ERBIN: variants seen among roughly 807,000 people sequenced by gnomAD.
ERBIN encodes erbb2 interacting protein.
A neutral mutation model predicts 158.4 loss-of-function variants in ERBIN; 60 were observed. The observed-to-expected ratio is 0.38, with a 90% CI of 0.31 to 0.47. The LOEUF (loss-of-function observed/expected upper bound fraction) is 0.47, where lower values mean the gene tolerates loss of function less well. Among genes scored for constraint, ERBIN ranks in the 20% least tolerant of loss-of-function variants. The pLI is 0.99. For missense variants in ERBIN, 1,610 were observed against 1,648.0 expected (o/e 0.98, Z 0.40); for synonymous variants, 594 against 557.2 (o/e 1.07, Z -0.93).
intron 1 of ERBIN, among the ~76,000 whole-genome samples, chr5:65,981,228 A>G (rs865857581): frequency 1.3e-5 from 2 of 152,256 alleles, no homozygotes; most frequent in Non-Finnish European, 2.9e-5. Context: ...TAGAAAGGAC[A>G]TTAAATAAAT....
intron 15 of ERBIN, among the ~76,000 whole-genome samples, chr5:66,041,054 T>A (rs1269355162): frequency 5.3e-5 from 8 of 151,838 alleles, no homozygotes; most frequent in African/African-American, 1.9e-4. Context: ...TTGCATTTCT[T>A]TTTACATTGA....
At chr5:65,939,380 T>G (rs1470909410) in intron 1 of ERBIN, among the ~76,000 whole-genome samples, 4 of 152,128 alleles carry the variant, frequency 2.6e-5, no homozygotes, top group Non-Finnish European at 5.9e-5. Context: ...GAGGTTGCAG[T>G]GAGCCGAGGT....
intron 21 of ERBIN, among the ~76,000 whole-genome samples, chr5:66,063,626 G>A (rs554037875): frequency 1.1e-4 from 16 of 152,284 alleles, no homozygotes; most frequent in Admixed American, 2.0e-4. Context: ...CGTCTTCTGC[G>A]TCGCTCACGC....
intron 1 of ERBIN, among the ~76,000 whole-genome samples, chr5:65,930,064 T>C (rs1280591677): frequency 6.6e-6 from 1 of 152,248 alleles, no homozygotes; most frequent in African/African-American, 2.4e-5. Context: ...CCTATATTTA[T>C]AGTTAGCTTC....
intron 7 of ERBIN, among the ~76,000 whole-genome samples, chr5:66,020,440 A>G (rs555473783): frequency 1.3e-5 from 2 of 152,002 alleles, no homozygotes; most frequent in African/African-American, 4.8e-5. Flanking sequence ...ATATTAATGT[A>G]ATATACTGAT....
chr5:65,993,285 G>C lies in ERBIN; in HGVS notation c.189+378G>C, dbSNP rs183225818. 6.3e-3 allele frequency among the ~76,000 whole-genome samples: 965 copies of C among 152,120 alleles called. 16 individuals carry two copies. The highest frequency in any genetic ancestry group is 0.022 in the African/African-American group (926 of 41,502). ...CATTAATGTGTATTGTTATAATTGA[G>C]GGCAATTGTCCTTTTACCATATCAT... On this transcript the variant is annotated intron_variant, in intron 3 of 25. Transcript: ENST00000284037.
At chr5:65,984,022 G>T (rs915949370) in intron 1 of ERBIN, among the ~76,000 whole-genome samples, 2 of 151,982 alleles carry the variant, frequency 1.3e-5, no homozygotes, top group Non-Finnish European at 2.9e-5. Context: ...CCTGCTTCCC[G>T]TGTGGCAGCT....
intron 14 of ERBIN, among the ~76,000 whole-genome samples, chr5:66,036,740 G>T (rs7707068): frequency 0.058 from 8,771 of 152,222 alleles, 884 homozygotes; most frequent in African/African-American, 0.2. Flanking sequence ...AGGCTCTTAG[G>T]AAATATTCAT....
At chr5:66,077,795 TA>T (rs1561464992) in intron 25 of ERBIN, among the ~76,000 whole-genome samples, 5,553 of 97,050 alleles carry the variant, frequency 0.057, 347 homozygotes, top group African/African-American at 0.2. Flanking sequence ...CACACACACA[TA>T]CACACACACA....
intron 3 of ERBIN, among the ~76,000 whole-genome samples, chr5:65,994,132 A>T (rs1752177358): frequency 6.6e-6 from 1 of 152,150 alleles, no homozygotes; most frequent in Non-Finnish European, 1.5e-5. Flanking sequence ...TGTTGGTCTC[A>T]TGTTTATGAA....
intron 1 of ERBIN, among the ~76,000 whole-genome samples, chr5:65,986,190 C>T (rs766127857): frequency 6.6e-6 from 1 of 152,236 alleles, no homozygotes; most frequent in Non-Finnish European, 1.5e-5. Flanking sequence ...TCTCTTCCCA[C>T]ATCTCTGAAT....
chr5:65,939,662 TCA>T (rs1491100941), intron 1 of ERBIN, among the ~76,000 whole-genome samples: 5 of 65,522 alleles, frequency 7.6e-5, no homozygotes, highest in East Asian at 5.5e-4. Flanking sequence ...TTCTCCTGCC[TCA>T]GCCTGCCGAG....
chr5:66,058,843 T>C (rs1229135098), intron 21 of ERBIN, among the ~76,000 whole-genome samples: 1 of 151,994 alleles, frequency 6.6e-6, no homozygotes, highest in East Asian at 1.9e-4. Flanking sequence ...ATCAGATAGT[T>C]GTAGATATGC....
intron 4 of ERBIN, among the ~76,000 whole-genome samples, chr5:66,005,734 A>G (rs141555915): frequency 0.04 from 6,098 of 152,284 alleles, 414 homozygotes; most frequent in African/African-American, 0.14. Context: ...CAAAAATCAC[A>G]GGCATTCTTA....
chr5:65,985,240 G>A (rs529047197), intron 1 of ERBIN, among the ~76,000 whole-genome samples: 15 of 152,240 alleles, frequency 9.9e-5, no homozygotes, highest in East Asian at 9.7e-4. Flanking sequence ...TTACAGGTGC[G>A]CACCACCATG....
intron 21 of ERBIN, among the ~76,000 whole-genome samples, chr5:66,069,764 A>T (rs1761360292): frequency 6.6e-6 from 1 of 151,820 alleles, no homozygotes; most frequent in South Asian, 2.1e-4. Context: ...GTCTCTAATA[A>T]CCCTGTTTTA....
At chr5:65,958,486 C>T (rs989054766) in intron 1 of ERBIN, among the ~76,000 whole-genome samples, 5 of 151,482 alleles carry the variant, frequency 3.3e-5, no homozygotes, top group East Asian at 1.9e-4. Flanking sequence ...TCAGGCGGGG[C>T]GGTGCGCGCC....
intron 1 of ERBIN, among the ~76,000 whole-genome samples, chr5:65,965,629 G>A (rs1044381749): frequency 6.6e-6 from 1 of 152,082 alleles, no homozygotes; most frequent in African/African-American, 2.4e-5. Context: ...CTGAGTTCAA[G>A]TGGTTTGCCC....
Position 65,992,811 on chromosome 5 carries a change from T to A in ERBIN, c.93T>A (p.His31Gln). 7 of 1,613,846 alleles carry A rather than the reference T, an allele frequency of 4.3e-6. No individual in the cohort carries two copies. Among genetic ancestry groups the A allele is most frequent in the Non-Finnish European group, 5.1e-6 (6 of 1,179,804 alleles). ...CTGTCACTACTCTTGATTATTCTCATTGCAGCTTAGAACAAGTTCCGAAAG... is the reference window on the plus strand; with the variant it reads ...CTGTCACTACTCTTGATTATTCTCAATGCAGCTTAGAACAAGTTCCGAAAG... ...EETVTTLDYS[H>Q]CSLEQVPKEI... The change falls in exon 3 of 26, where the codon CAT (histidine) becomes CAA (glutamine). Residue 31 changes from histidine (H) to glutamine (Q), a missense_variant. His to Gln is a conservative substitution (Grantham distance 24). Coordinates refer to ENST00000284037, the MANE Select transcript of ERBIN (RefSeq NM_001253697.2).
Sources: allele counts gnomAD v4.1 joint callset (sites outside exome capture counted in the v4.1 genomes callset), GRCh38; gene constraint gnomAD v4.1.1; transcripts MANE v1.5; gene names NCBI Gene and HGNC (gene_info 2026-07-23, HGNC 2026-07-21).